The following NCOA2 variants were observed in gnomAD, a reference collection of about 807,000 sequenced individuals.
NCOA2 encodes the protein nuclear receptor coactivator 2.
A neutral mutation model predicts 145.1 loss-of-function variants in NCOA2; 21 were observed. The ratio of observed to expected loss-of-function variants is 0.14; its 90% CI spans 0.10 to 0.21. The LOEUF is 0.21. Among genes scored for constraint, NCOA2 ranks in the 10% least tolerant of loss-of-function variants. The probability of loss-of-function intolerance (pLI) is 1.00; values close to 1 mark genes in which losing one functional copy is unlikely to be tolerated. For synonymous variants in NCOA2, 619 were observed against 637.5 expected (o/e 0.97, Z 0.44); for missense variants, 1,472 against 1,837.6 (o/e 0.80, Z 3.64).
chr8:70,429,895 A>G, the NCOA2 span, among the ~76,000 whole-genome samples: 1 of 152,108 alleles, frequency 6.6e-6, no homozygotes, highest in South Asian at 2.1e-4. Context: ...TTTTTGAGAC[A>G]GGGTCGCCCT....
At chr8:70,147,107 C>A (rs560214062) in intron 12 of NCOA2, among the ~76,000 whole-genome samples, 1 of 145,802 alleles carries the variant, frequency 6.9e-6, no homozygotes, top group East Asian at 2.0e-4. Flanking sequence ...ACATGCAAAT[C>A]TTTCGCGCGC....
the NCOA2 span, among the ~76,000 whole-genome samples, chr8:70,418,903 A>AACATATTTAT: frequency 6.6e-6 from 1 of 152,158 alleles, no homozygotes; most frequent in Non-Finnish European, 1.5e-5. Context: ...AATGCAAAAA[A>AACATATTTAT]ACATATTTAT....
At chr8:70,360,491 A>ATT (rs1298896574) in intron 1 of NCOA2, among the ~76,000 whole-genome samples, 1 of 152,166 alleles carries the variant, frequency 6.6e-6, no homozygotes, top group African/African-American at 2.4e-5. Flanking sequence ...AGCACAGGAG[A>ATT]TTTTAAAAGA....
chr8:70,143,100 C>T (rs1326207210), intron 13 of NCOA2, among the ~76,000 whole-genome samples: 4 of 152,012 alleles, frequency 2.6e-5, no homozygotes, highest in African/African-American at 4.8e-5. Context: ...CAGGTGCACG[C>T]CACCACGCCC....
At chr8:70,405,437 GTTTTTTTTT>G (rs34814735), upstream of NCOA2, among the ~76,000 whole-genome samples, 7 of 59,384 alleles carry the variant, frequency 1.2e-4, no homozygotes, top group African/African-American at 3.7e-4. Context: ...ATTTTTAAAG[GTTTTTTTTT>G]TTTTTTTTTT....
At chr8:70,369,703 G>A (rs975661488) in intron 1 of NCOA2, among the ~76,000 whole-genome samples, 2 of 152,064 alleles carry the variant, frequency 1.3e-5, no homozygotes, top group African/African-American at 4.8e-5. Flanking sequence ...GGCTGACAGG[G>A]GATGCTATTA....
intron 4 of NCOA2, among the ~76,000 whole-genome samples, chr8:70,187,328 A>G (rs979291520): frequency 1.3e-5 from 2 of 152,150 alleles, no homozygotes; most frequent in African/African-American, 4.8e-5. Flanking sequence ...TCCTTTTCTT[A>G]TTTTATTTAA....
chr8:70,134,210 C>T (rs550893942), intron 15 of NCOA2, among the ~76,000 whole-genome samples: 2 of 152,068 alleles, frequency 1.3e-5, no homozygotes, highest in South Asian at 2.1e-4. Context: ...ACTTAGGGAG[C>T]GGGAGGAAGA....
At chr8:70,196,888 T>G (rs1817380439) in intron 4 of NCOA2, among the ~76,000 whole-genome samples, 1 of 152,228 alleles carries the variant, frequency 6.6e-6, no homozygotes, top group Admixed American at 6.5e-5. Context: ...GGTTCTAGTT[T>G]GTCACTGACT....
At chr8:70,293,000 T>C (rs1826813330) in intron 2 of NCOA2, among the ~76,000 whole-genome samples, 1 of 152,182 alleles carries the variant, frequency 6.6e-6, no homozygotes, top group Non-Finnish European at 1.5e-5. Context: ...AGGATCGTGA[T>C]TCTACTCTGA....
intron 13 of NCOA2, among the ~76,000 whole-genome samples, chr8:70,142,809 T>C (rs1269124126): frequency 1.3e-5 from 2 of 152,206 alleles, no homozygotes; most frequent in Non-Finnish European, 2.9e-5. Context: ...AAAAGGGATT[T>C]TATTTTTTTA....
At chr8:70,131,152 A>G (rs1347821551) in intron 16 of NCOA2, among the ~76,000 whole-genome samples, 1 of 152,166 alleles carries the variant, frequency 6.6e-6, no homozygotes, top group Non-Finnish European at 1.5e-5. Flanking sequence ...CTAGGACTAT[A>G]GGTGTGTGCC....
intron 18 of NCOA2, among the ~76,000 whole-genome samples, chr8:70,127,577 G>C (rs1443362721): frequency 6.6e-6 from 1 of 152,120 alleles, no homozygotes; most frequent in Non-Finnish European, 1.5e-5. Context: ...GGGAGGAAAG[G>C]CAGGATGGAT....
intron 13 of NCOA2, among the ~76,000 whole-genome samples, 183 bp from the exon 14 acceptor site, chr8:70,141,582 A>C (rs1413688519): frequency 6.6e-6 from 1 of 152,204 alleles, no homozygotes; most frequent in Non-Finnish European, 1.5e-5. Flanking sequence ...CAATCACTAC[A>C]TAGTTTTCAT....
chr8:70,415,797 C>T, the NCOA2 span, among the ~76,000 whole-genome samples: 1 of 152,202 alleles, frequency 6.6e-6, no homozygotes, highest in Non-Finnish European at 1.5e-5. Context: ...ACTTCAAGAA[C>T]TCTGCACTCA....
chr8:70,277,165 C>T (rs1380534419), intron 2 of NCOA2, among the ~76,000 whole-genome samples: 1 of 151,834 alleles, frequency 6.6e-6, no homozygotes, highest in East Asian at 1.9e-4. Context: ...TTCCTAATTG[C>T]TTCAGTGATT....
intron 1 of NCOA2, among the ~76,000 whole-genome samples, chr8:70,364,844 T>TCC (rs1204244094): frequency 1.2e-4 from 17 of 146,996 alleles, no homozygotes; most frequent in African/African-American, 4.2e-4. Context: ...TTTTTTTTTT[T>TCC]CCCCCAGTCT....
At chr8:70,361,478 A>G (rs77806698) in intron 1 of NCOA2, among the ~76,000 whole-genome samples, 1 of 151,750 alleles carries the variant, frequency 6.6e-6, no homozygotes, top group South Asian at 2.1e-4. Flanking sequence ...CTCAAAAAAG[A>G]AAAAAAAAGA....
the NCOA2 span, among the ~76,000 whole-genome samples, chr8:70,415,546 G>A: frequency 6.6e-6 from 1 of 152,110 alleles, no homozygotes; most frequent in Non-Finnish European, 1.5e-5. Context: ...AATTAGGCAG[G>A]GGAATTTTAC....
Sources: gnomAD v4.1 joint callset for allele counts (sites outside exome capture counted in the v4.1 genomes callset) on GRCh38, gnomAD v4.1.1 for gene constraint, MANE v1.5 for transcripts, NCBI Gene and HGNC (gene_info 2026-07-23, HGNC 2026-07-21) for gene names.